IGHMBP2: variants seen among roughly 807,000 people sequenced by gnomAD.
IGHMBP2 encodes immunoglobulin mu DNA binding protein 2.
In IGHMBP2, 81 loss-of-function variants were observed where a neutral mutation model predicts 96.0. That is an observed-to-expected ratio of 0.84 (90% CI 0.71 to 1.01). The LOEUF (loss-of-function observed/expected upper bound fraction) is 1.01, where lower values mean the gene tolerates loss of function less well. IGHMBP2 is among the 50% of genes least tolerant of loss of function. The pLI is 0.00. For synonymous variants in IGHMBP2, 557 were observed against 548.9 expected (o/e 1.01, Z -0.21); for missense variants, 1,227 against 1,306.3 (o/e 0.94, Z 0.94).
intron 1 of IGHMBP2, among the ~76,000 whole-genome samples, chr11:68,904,669 G>A (rs1414163599): frequency 1.3e-5 from 2 of 152,096 alleles, no homozygotes; most frequent in African/African-American, 2.4e-5. Context: ...TGTGAGAGCC[G>A]GGCTTGTTTC....
intron 4 of IGHMBP2, among the ~76,000 whole-genome samples, chr11:68,909,181 G>GT (rs1474298467): frequency 1.7e-5 from 2 of 115,248 alleles, no homozygotes; most frequent in African/African-American, 6.4e-5. Context: ...TTTGGCGGGG[G>GT]GGGTGGAGGG....
At chr11:68,927,113 C>A (rs637120) in intron 7 of IGHMBP2, among the ~76,000 whole-genome samples, 71,404 of 151,972 alleles carry the variant, frequency 0.47, 17,590 homozygotes, top group Middle Eastern at 0.56. Flanking sequence ...CCATATTTTC[C>A]TGACTCTCTA....
chr11:68,906,885 G>C (rs551499559), intron 2 of IGHMBP2, among the ~76,000 whole-genome samples: 1 of 152,058 alleles, frequency 6.6e-6, no homozygotes, highest in East Asian at 1.9e-4. Context: ...CAGGTGATCC[G>C]CCTGCTTTGG....
intron 6 of IGHMBP2, among the ~76,000 whole-genome samples, 199 bp from the exon 7 acceptor site, chr11:68,917,537 T>C (rs1227204795): frequency 2.0e-5 from 3 of 152,194 alleles, no homozygotes; most frequent in Non-Finnish European, 2.9e-5. Context: ...AAAATGTCTC[T>C]TCCTGTGACT....
At chr11:68,909,130 TGC>T in intron 4 of IGHMBP2, among the ~76,000 whole-genome samples, 1 of 139,848 alleles carries the variant, frequency 7.2e-6, no homozygotes, top group Admixed American at 7.8e-5. Context: ...TGAGCCACCG[TGC>T]GCCTGGCCCC....
chr11:68,930,258 A>G lies in IGHMBP2; in HGVS notation c.1235+901A>G, dbSNP rs533620908. On this transcript the variant is annotated intron_variant, in intron 8 of 14. Coordinates refer to ENST00000255078, the MANE Select transcript of IGHMBP2 (RefSeq NM_002180.3). ...CCTGGCCCTCACTTCCACCGGGGGAAGATTGATTTCTTCAGATTTCGGTTG... is the reference window on the plus strand; with the variant it reads ...CCTGGCCCTCACTTCCACCGGGGGAGGATTGATTTCTTCAGATTTCGGTTG... The G allele has an allele frequency of 6.2e-6, 8 of 1,280,826 alleles. No individual in the cohort carries two copies. In the South Asian group the frequency reaches 7.5e-5, roughly 12 times the overall value. 79.3% of individuals were successfully genotyped at this position (1,280,826 alleles called of 1,614,324 possible). A position where few individuals can be genotyped will look rare whatever the true frequency, so the allele number is the denominator to read the frequency against.
At chr11:68,913,043 C>CAAAAAAAAAAAA (rs71043469) in intron 5 of IGHMBP2, among the ~76,000 whole-genome samples, 19 of 37,462 alleles carry the variant, frequency 5.1e-4, no homozygotes, top group African/African-American at 7.2e-4. Flanking sequence ...ACTCCATCTC[C>CAAAAAAAAAAAA]AAAAAAAAAA....
At chr11:68,917,340 T>C (rs1858712489) in intron 6 of IGHMBP2, among the ~76,000 whole-genome samples, 2 of 152,210 alleles carry the variant, frequency 1.3e-5, no homozygotes, top group Admixed American at 1.3e-4. Flanking sequence ...AAAAATTTTT[T>C]TTAATCTCTT....
chr11:68,939,334 G>A (rs919859136), intron 14 of IGHMBP2, among the ~76,000 whole-genome samples, 200 bp from the exon 15 acceptor site: 1 of 152,112 alleles, frequency 6.6e-6, no homozygotes, highest in African/African-American at 2.4e-5. Context: ...GTGCACACTC[G>A]GGGGCTCCCG....
intron 7 of IGHMBP2, 67 bp downstream of exon 7, chr11:68,917,950 G>T (rs1483709914): frequency 1.3e-6 from 2 of 1,528,638 alleles, no homozygotes; most frequent in Non-Finnish European, 1.8e-6. Context: ...TCCCTCTTCT[G>T]TTTTCTGGAA....
chr11:68,912,166 C>T (rs1858464082), intron 5 of IGHMBP2, among the ~76,000 whole-genome samples: 1 of 152,012 alleles, frequency 6.6e-6, no homozygotes, highest in African/African-American at 2.4e-5. Context: ...ACTCTGTCAC[C>T]CAGGCTAGAG....
intron 4 of IGHMBP2, 134 bp downstream of exon 4, chr11:68,908,765 A>G: frequency 1.5e-6 from 1 of 645,254 alleles, no homozygotes; most frequent in Non-Finnish European, 2.8e-6. Flanking sequence ...TCTTTGTAGG[A>G]GTGTCTCGGA....
chr11:68,927,494 T>G (rs1051066089), intron 7 of IGHMBP2, among the ~76,000 whole-genome samples: 2 of 152,216 alleles, frequency 1.3e-5, no homozygotes, highest in Non-Finnish European at 2.9e-5. Context: ...GAGCCACAGA[T>G]GAGAGCTGAG....
chr11:68,914,798 C>G, intron 5 of IGHMBP2, 25 bp from the exon 6 acceptor site: 1 of 1,612,494 alleles, frequency 6.2e-7, no homozygotes, highest in Non-Finnish European at 8.5e-7. Context: ...AAGTAAATGA[C>G]CAGATCCTAA....
intron 5 of IGHMBP2, among the ~76,000 whole-genome samples, chr11:68,912,290 C>T (rs892410859): frequency 4.9e-4 from 74 of 152,144 alleles, no homozygotes; most frequent in African/African-American, 1.7e-3. Flanking sequence ...CGCCACCATG[C>T]CTGGCTAATT....
At chr11:68,906,410 G>C in intron 2 of IGHMBP2, 172 bp downstream of exon 2, 1 of 749,602 alleles carries the variant, frequency 1.3e-6, no homozygotes, top group South Asian at 1.6e-5. Context: ...CTAGATCAGC[G>C]TTGTCCAAAA....
rs1329806583 is a variant in IGHMBP2 at position 68,940,100 on chromosome 11, A to G, written c.*369A>G. The G allele has an allele frequency of 3.9e-6, 1 of 255,910 alleles. No homozygotes were observed. Among genetic ancestry groups the G allele is most frequent in the Admixed American group, 5.0e-5 (1 of 20,032 alleles). The allele number at this position is 255,910 out of a possible 1,614,324, so 15.9% of individuals were successfully genotyped here. A position where few individuals can be genotyped will look rare whatever the true frequency, so the allele number is the denominator to read the frequency against. ...ACTCCTCCAATGTCTGGGACTTGCC[A>G]GCTCAGCCCGTTAGGATGAGGGTGC... On this transcript the variant is annotated 3_prime_UTR_variant, in exon 15 of 15. Coordinates refer to ENST00000255078, the MANE Select transcript of IGHMBP2 (RefSeq NM_002180.3).
chr11:68,912,969 G>T (rs1246912777), intron 5 of IGHMBP2, among the ~76,000 whole-genome samples: 10 of 147,654 alleles, frequency 6.8e-5, no homozygotes, highest in African/African-American at 2.5e-4. Context: ...TTGAACCTGG[G>T]AGGTGGAGGT....
chr11:68,917,001 T>TTTTTTA (rs1410328546), intron 6 of IGHMBP2, among the ~76,000 whole-genome samples: 2 of 144,754 alleles, frequency 1.4e-5, no homozygotes, highest in African/African-American at 2.6e-5. Context: ...TTTTTTTTTT[T>TTTTTTA]AAAGAATCTT....
Sources: allele counts gnomAD v4.1 joint callset (sites outside exome capture counted in the v4.1 genomes callset), GRCh38; gene constraint gnomAD v4.1.1; transcripts MANE v1.5; gene names NCBI Gene and HGNC (gene_info 2026-07-23, HGNC 2026-07-21).